SORCS3: variants seen among roughly 807,000 people sequenced by gnomAD.
SORCS3 encodes the protein VPS10 domain-containing receptor SorCS3.
SORCS3 carries 57 observed loss-of-function variants against 146.3 expected under a neutral mutation model. The observed-to-expected ratio is 0.39, with a 90% CI of 0.31 to 0.49. The LOEUF (loss-of-function observed/expected upper bound fraction) is 0.49, where lower values mean the gene tolerates loss of function less well. Among genes scored for constraint, SORCS3 ranks in the 20% least tolerant of loss-of-function variants. The pLI is 0.92. For missense variants in SORCS3, 1,341 were observed against 1,575.5 expected (o/e 0.85, Z 2.52); for synonymous variants, 653 against 618.5 (o/e 1.06, Z -0.83).
chr10:105,149,085 T>C (rs1441642161), intron 9 of SORCS3, among the ~76,000 whole-genome samples: 1 of 152,130 alleles, frequency 6.6e-6, no homozygotes, highest in African/African-American at 2.4e-5. Flanking sequence ...TCCACTGTGA[T>C]TGTAAGTTTC....
chr10:104,930,859 T>G (rs1324016591), intron 3 of SORCS3, among the ~76,000 whole-genome samples: 1 of 152,192 alleles, frequency 6.6e-6, no homozygotes, highest in African/African-American at 2.4e-5. Context: ...CTAGTACCCA[T>G]CTCCTTAGCT....
At chr10:105,260,580 T>C (rs1048659156) in intron 25 of SORCS3, among the ~76,000 whole-genome samples, 7 of 152,190 alleles carry the variant, frequency 4.6e-5, no homozygotes, top group Non-Finnish European at 2.9e-5. Context: ...ACATGAAAAC[T>C]GAATGTAAAA....
chr10:105,175,214 ATTTTTTTT>A (rs71482448), intron 13 of SORCS3, among the ~76,000 whole-genome samples: 10 of 134,640 alleles, frequency 7.4e-5, no homozygotes, highest in Non-Finnish European at 1.1e-4. Flanking sequence ...TGCTTGGCTA[ATTTTTTTT>A]TTTTTTTTTT....
chr10:105,183,221 G>T (rs1331549379), intron 14 of SORCS3, among the ~76,000 whole-genome samples: 12 of 152,184 alleles, frequency 7.9e-5, no homozygotes, highest in Admixed American at 7.9e-4. Context: ...AGGGCCAATT[G>T]CCTTGTTGAC....
chr10:105,139,268 C>A (rs937754045), intron 7 of SORCS3, 129 bp from the exon 8 acceptor site: 4 of 719,592 alleles, frequency 5.6e-6, no homozygotes, highest in Non-Finnish European at 9.8e-6. Flanking sequence ...AGACCCAAAG[C>A]CAGCAAGGAA....
chr10:104,731,497 C>A (rs1021239595), intron 1 of SORCS3, among the ~76,000 whole-genome samples: 1 of 152,116 alleles, frequency 6.6e-6, no homozygotes, highest in Admixed American at 6.5e-5. Flanking sequence ...CTACCTAATC[C>A]CTGACTTTCC....
At chr10:104,818,360 T>TCTTCCTTCCTTTCTTCCTTC (rs2017829690) in intron 1 of SORCS3, among the ~76,000 whole-genome samples, 1 of 139,756 alleles carries the variant, frequency 7.2e-6, no homozygotes, top group South Asian at 2.5e-4. Flanking sequence ...TCTTCTCCTT[T>TCTTCCTTCCTTTCTTCCTTC]CTTCCTTCCT....
chr10:105,014,072 TATATATATATACACACATATATATAC>T, intron 4 of SORCS3, among the ~76,000 whole-genome samples: 1 of 93,644 alleles, frequency 1.1e-5, no homozygotes, highest in East Asian at 2.6e-4. Context: ...AATATACATA[TATATATATATACACACATATATATAC>T]ATATATATAT....
At chr10:104,649,911 C>T (rs2015538662) in intron 1 of SORCS3, among the ~76,000 whole-genome samples, 1 of 152,170 alleles carries the variant, frequency 6.6e-6, no homozygotes, top group African/African-American at 2.4e-5. Flanking sequence ...TCAAGGGAGA[C>T]TTCTTGAGGG....
At position 104,717,300 on chromosome 10, in the gene SORCS3, T is replaced by TAAA. The variant is rs200835513; in HGVS notation, c.627+75361_627+75363dup. Among the ~76,000 whole-genome samples the TAAA allele has an allele frequency of 1.8e-4, 19 of 104,382 alleles. No homozygotes were observed. In the Middle Eastern group the frequency reaches 0.025, roughly 139 times the overall value. The allele number at this position is 104,382 out of a possible 152,430, so 68.5% of individuals were successfully genotyped here. A position where few individuals can be genotyped will look rare whatever the true frequency, so the allele number is the denominator to read the frequency against. ...GACCCTATCTCTAAGAAAAAAAATG[T>TAAA]AAAAAAAAAAAAAAAAAGGAAAAAG... On this transcript the variant is annotated intron_variant, in intron 1 of 26. Coordinates refer to ENST00000369701, the MANE Select transcript of SORCS3 (RefSeq NM_014978.3).
At chr10:104,898,829 T>A (rs2018823853) in intron 2 of SORCS3, among the ~76,000 whole-genome samples, 1 of 152,158 alleles carries the variant, frequency 6.6e-6, no homozygotes, top group African/African-American at 2.4e-5. Flanking sequence ...GAGCCCCTAT[T>A]TTTCCCCCCA....
At chr10:104,986,531 G>A (rs775840913) in intron 4 of SORCS3, among the ~76,000 whole-genome samples, 10 of 152,256 alleles carry the variant, frequency 6.6e-5, no homozygotes, top group South Asian at 2.1e-4. Flanking sequence ...GCTGTTTGGC[G>A]CAAGAGACTT....
At chr10:104,979,642 T>C (rs1163412111) in intron 4 of SORCS3, among the ~76,000 whole-genome samples, 1 of 152,146 alleles carries the variant, frequency 6.6e-6, no homozygotes, top group East Asian at 1.9e-4. Flanking sequence ...CCTTTCTATG[T>C]CTCGTTAACC....
At chr10:104,759,899 A>T (rs1451049829) in intron 1 of SORCS3, among the ~76,000 whole-genome samples, 1 of 152,154 alleles carries the variant, frequency 6.6e-6, no homozygotes, top group Non-Finnish European at 1.5e-5. Flanking sequence ...GATGGTAAAC[A>T]CGCTAGTGGA....
At chr10:105,260,621 C>G (rs2056955082) in intron 25 of SORCS3, among the ~76,000 whole-genome samples, 1 of 152,118 alleles carries the variant, frequency 6.6e-6, no homozygotes, top group Non-Finnish European at 1.5e-5. Flanking sequence ...TGTTTTAAAC[C>G]TATTTTCAGA....
intron 2 of SORCS3, among the ~76,000 whole-genome samples, chr10:104,876,703 T>TTCCTTCCTTCC (rs751611090): frequency 9.6e-6 from 1 of 104,660 alleles, no homozygotes; most frequent in Non-Finnish European, 1.9e-5. Context: ...TGGTCCAGGT[T>TTCCTTCCTTCC]TTCCTTCCTT....
At chr10:104,940,255 T>TTTTA (rs1361778794) in intron 3 of SORCS3, among the ~76,000 whole-genome samples, 1 of 121,952 alleles carries the variant, frequency 8.2e-6, no homozygotes, top group Non-Finnish European at 1.8e-5. Flanking sequence ...TTTTTTTTTT[T>TTTTA]ATTATACTTT....
At chr10:104,732,570 T>G (rs762665131) in intron 1 of SORCS3, among the ~76,000 whole-genome samples, 1 of 151,996 alleles carries the variant, frequency 6.6e-6, no homozygotes, top group African/African-American at 2.4e-5. Context: ...AGTATGAAAT[T>G]TACTAGAAAG....
chr10:104,840,959 G>A (rs1455511132), intron 1 of SORCS3, among the ~76,000 whole-genome samples: 2 of 152,192 alleles, frequency 1.3e-5, no homozygotes, highest in African/African-American at 4.8e-5. Flanking sequence ...GGCATGGCCT[G>A]CACATAGCCT....
Sources: allele counts gnomAD v4.1 joint callset (sites outside exome capture counted in the v4.1 genomes callset), GRCh38; gene constraint gnomAD v4.1.1; transcripts MANE v1.5; gene names NCBI Gene and HGNC (gene_info 2026-07-23, HGNC 2026-07-21).